Variants in AIG1 observed in about 807,000 individuals in gnomAD.
AIG1 encodes androgen induced 1.
AIG1 carries 23 observed loss-of-function variants against 31.4 expected under a neutral mutation model. The observed-to-expected ratio is 0.73, with a 90% CI of 0.53 to 1.04. The LOEUF is 1.04. Among genes scored for constraint, AIG1 ranks in the 50% least tolerant of loss-of-function variants. The probability of loss-of-function intolerance (pLI) is 0.00; values close to 1 mark genes in which losing one functional copy is unlikely to be tolerated. For missense variants in AIG1, 274 were observed against 295.0 expected (o/e 0.93, Z 0.52); for synonymous variants, 100 against 110.5 (o/e 0.90, Z 0.60).
chr6:143,159,408 A>G (rs1351192685), intron 2 of AIG1, among the ~76,000 whole-genome samples: 2 of 152,242 alleles, frequency 1.3e-5, no homozygotes, highest in Non-Finnish European at 2.9e-5. Flanking sequence ...GATAAATTAT[A>G]AATGTACCAA....
rs55966095 is a variant in AIG1, at chr6:143,126,678, T to G, written c.142-10157T>G. On this transcript the variant is annotated intron_variant, in intron 1 of 5. Transcript: ENST00000357847. ...AGCAAGAACTGCATTGAAAGTTTGA[T>G]GAACTGAAAACAAAATAACTTTTTA... is the stretch of plus-strand genomic sequence containing the variant. Among the ~76,000 whole-genome samples the G allele has an allele frequency of 6.2e-3, 942 of 152,278 alleles. 11 individuals are homozygous for G. The highest frequency in any genetic ancestry group is 0.015 in the African/African-American group (623 of 41,554).
intron 1 of AIG1, among the ~76,000 whole-genome samples, chr6:143,100,690 C>CTT (rs35504854): frequency 2.1e-5 from 3 of 145,392 alleles, no homozygotes; most frequent in Non-Finnish European, 4.6e-5. Context: ...AGTTTATTCT[C>CTT]TTTTTTTTTT....
In AIG1 at chr6:143,178,020, G is replaced by A. The variant is rs112011569; in HGVS notation, c.399+12837G>A. On this transcript the variant is annotated intron_variant, in intron 3 of 5. Transcript: ENST00000357847. ...GGATCCACAGTCCTATGGGAGGGGCGTCTGCTCTGCTACTGCAAATGTTGG... is the reference window on the plus strand; with the variant it reads ...GGATCCACAGTCCTATGGGAGGGGCATCTGCTCTGCTACTGCAAATGTTGG... Among the ~76,000 whole-genome samples the A allele has an allele frequency of 2.6e-3, 393 of 152,322 alleles. 4 individuals carry two copies. Among genetic ancestry groups the A allele is most frequent in the African/African-American group, 9.0e-3 (374 of 41,562 alleles).
At chr6:143,322,528 A>G (rs918296232) in intron 4 of AIG1, among the ~76,000 whole-genome samples, 1 of 152,188 alleles carries the variant, frequency 6.6e-6, no homozygotes, top group Admixed American at 6.5e-5. Context: ...GAAGCTCCAA[A>G]TGATTCCAGT....
At chr6:143,128,011 T>C (rs1476344896) in intron 1 of AIG1, among the ~76,000 whole-genome samples, 2 of 152,136 alleles carry the variant, frequency 1.3e-5, no homozygotes, top group Non-Finnish European at 2.9e-5. Flanking sequence ...GTTGAGGATA[T>C]TGAAGATGAT....
At chr6:143,304,487 G>A (rs1211938624) in intron 4 of AIG1, among the ~76,000 whole-genome samples, 1 of 152,136 alleles carries the variant, frequency 6.6e-6, no homozygotes, top group African/African-American at 2.4e-5. Context: ...AGATAATCAT[G>A]TGGTTTTTGT....
chr6:143,266,272 A>C (rs1796145325), intron 3 of AIG1, among the ~76,000 whole-genome samples: 1 of 147,426 alleles, frequency 6.8e-6, no homozygotes, highest in Non-Finnish European at 1.5e-5. Context: ...GCTTGAACCC[A>C]GGAGGCAGAG....
chr6:143,343,530 C>T (rs778169225), downstream of AIG1: 20 of 205,978 alleles, frequency 9.7e-5, no homozygotes, highest in Admixed American at 4.9e-4. Context: ...TCCCCGGGTC[C>T]GTGTCTTTTC....
intron 2 of AIG1, among the ~76,000 whole-genome samples, chr6:143,152,103 T>C (rs993253158): frequency 3.3e-5 from 5 of 152,228 alleles, no homozygotes; most frequent in South Asian, 2.1e-4. Flanking sequence ...GTTACAGTAG[T>C]ATTCTGGTCA....
chr6:143,127,444 A>C (rs1421906659), intron 1 of AIG1, among the ~76,000 whole-genome samples: 1 of 144,978 alleles, frequency 6.9e-6, no homozygotes, highest in Non-Finnish European at 1.5e-5. Flanking sequence ...ATTTTATAAA[A>C]GTACACCATA....
downstream of AIG1, among the ~76,000 whole-genome samples, chr6:143,341,409 G>A (rs1428012539): frequency 6.6e-5 from 10 of 151,996 alleles, no homozygotes; most frequent in East Asian, 3.9e-4. Context: ...TGTTGAACCC[G>A]TAACCCCTAG....
At chr6:143,104,408 A>C (rs190546501) in intron 1 of AIG1, among the ~76,000 whole-genome samples, 1 of 152,280 alleles carries the variant, frequency 6.6e-6, no homozygotes, top group East Asian at 1.9e-4. Context: ...TCCTTTCTCC[A>C]TGGGAGTCCC....
chr6:143,152,249 A>G (rs1785307923), intron 2 of AIG1, among the ~76,000 whole-genome samples: 1 of 152,134 alleles, frequency 6.6e-6, no homozygotes, highest in South Asian at 2.1e-4. Flanking sequence ...ATTAAATTAG[A>G]TTTTTCTTAC....
At chr6:143,145,519 A>G (rs568660832) in intron 2 of AIG1, among the ~76,000 whole-genome samples, 2 of 150,394 alleles carry the variant, frequency 1.3e-5, no homozygotes, top group East Asian at 4.6e-4. Flanking sequence ...ATGTCTCTTC[A>G]TCAGGTGAAG....
In AIG1 at chr6:143,189,359, T is replaced by A. The variant is rs1031905080; in HGVS notation, c.399+24176T>A. 3.1e-6 allele frequency: 3 copies of A among 961,450 alleles called. No individual in the cohort carries two copies. The African/African-American group carries it at 5.3e-5, about 17-fold the overall frequency. 59.6% of individuals were successfully genotyped at this position (961,450 alleles called of 1,614,324 possible). On this transcript the variant is annotated intron_variant, in intron 3 of 5. Transcript: ENST00000357847. Reference sequence around the variant, plus strand: ...GCCTTCCTGAAGTCCTAGGATTACATGCATGAGCTACCACACCCAGCCCCT... The same window carrying A: ...GCCTTCCTGAAGTCCTAGGATTACAAGCATGAGCTACCACACCCAGCCCCT...
chr6:143,190,282 A>G (rs886718221), intron 3 of AIG1: 2 of 985,358 alleles, frequency 2.0e-6, no homozygotes, highest in African/African-American at 3.5e-5. Context: ...AGATTGTAGG[A>G]GTCGAGAAAC....
chr6:143,120,582 C>G (rs1782157357), intron 1 of AIG1, among the ~76,000 whole-genome samples: 1 of 152,160 alleles, frequency 6.6e-6, no homozygotes, highest in African/African-American at 2.4e-5. Context: ...ATCACGAGAA[C>G]AGCATGGGAA....
intron 3 of AIG1, among the ~76,000 whole-genome samples, chr6:143,167,169 T>C (rs1415850974): frequency 6.6e-6 from 1 of 152,224 alleles, no homozygotes; most frequent in East Asian, 1.9e-4. Flanking sequence ...TAAATGGAGA[T>C]AGGCTTTGTA....
chr6:143,187,413 T>G, intron 3 of AIG1: 1 of 1,535,676 alleles, frequency 6.5e-7, no homozygotes, highest in African/African-American at 1.4e-5. Context: ...TCCACCACTT[T>G]GGGCTTTTAC....
Sources: allele counts gnomAD v4.1 joint callset (sites outside exome capture counted in the v4.1 genomes callset), GRCh38; gene constraint gnomAD v4.1.1; transcripts MANE v1.5; gene names NCBI Gene and HGNC (gene_info 2026-07-23, HGNC 2026-07-21).